CLCN3: variants seen among roughly 807,000 people sequenced by gnomAD.
CLCN3 encodes H(+)/Cl(-) exchange transporter 3.
A neutral mutation model predicts 83.4 loss-of-function variants in CLCN3; 16 were observed. The observed-to-expected ratio is 0.19, with a 90% CI of 0.13 to 0.29. CLCN3 has a LOEUF of 0.29. CLCN3 is among the 10% of genes least tolerant of loss of function. The probability of loss-of-function intolerance (pLI) is 1.00; values close to 1 mark genes in which losing one functional copy is unlikely to be tolerated. For synonymous variants in CLCN3, 322 were observed against 346.2 expected (o/e 0.93, Z 0.78); for missense variants, 544 against 1,006.0 (o/e 0.54, Z 6.21).
intron 2 of CLCN3, among the ~76,000 whole-genome samples, chr4:169,672,819 G>C (rs760681257): frequency 1.3e-5 from 2 of 151,842 alleles, no homozygotes; most frequent in Non-Finnish European, 2.9e-5. Context: ...ACCTGCCACC[G>C]CGCCCAGCTA....
At chr4:169,634,189 G>C (rs1211240009) in intron 1 of CLCN3, among the ~76,000 whole-genome samples, 1 of 152,110 alleles carries the variant, frequency 6.6e-6, no homozygotes, top group Non-Finnish European at 1.5e-5. Context: ...AGATATATTG[G>C]AATTTGCTGA....
chr4:169,656,249 A>G (rs1251884282), intron 2 of CLCN3, among the ~76,000 whole-genome samples: 5 of 152,200 alleles, frequency 3.3e-5, no homozygotes, highest in Non-Finnish European at 7.3e-5. Flanking sequence ...TAATTGGCTC[A>G]CAGTTCTGCA....
chr4:169,621,199 G>A (rs1242222704), intron 1 of CLCN3, 136 bp downstream of exon 1: 3 of 317,142 alleles, frequency 9.5e-6, no homozygotes, highest in Non-Finnish European at 1.1e-5. Context: ...TCGTGAATTG[G>A]GATGCTAACC....
intron 2 of CLCN3, among the ~76,000 whole-genome samples, chr4:169,666,265 A>G (rs1731241911): frequency 6.6e-6 from 1 of 152,240 alleles, no homozygotes; most frequent in African/African-American, 2.4e-5. Context: ...ACATATCTAT[A>G]TACTATGTCA....
intron 9 of CLCN3, among the ~76,000 whole-genome samples, chr4:169,701,407 G>A (rs1421545088): frequency 1.3e-5 from 2 of 152,298 alleles, no homozygotes; most frequent in African/African-American, 4.8e-5. Flanking sequence ...ATTCATGAGA[G>A]TTGGAATCAA....
At chr4:169,631,209 G>A (rs1227150957) in intron 1 of CLCN3, among the ~76,000 whole-genome samples, 1 of 152,070 alleles carries the variant, frequency 6.6e-6, no homozygotes, top group African/African-American at 2.4e-5. Flanking sequence ...TAGTGACGTT[G>A]GGCATTTTTT....
At chr4:169,678,611 G>A (rs1029607732) in intron 2 of CLCN3, among the ~76,000 whole-genome samples, 6 of 152,000 alleles carry the variant, frequency 3.9e-5, no homozygotes, top group Non-Finnish European at 4.4e-5. Flanking sequence ...TTAGGGAGTG[G>A]TGATGACTCT....
At chr4:169,700,504 G>A (rs1005491550) in intron 9 of CLCN3, among the ~76,000 whole-genome samples, 2 of 152,050 alleles carry the variant, frequency 1.3e-5, no homozygotes, top group African/African-American at 4.8e-5. Context: ...GTGATCCTTT[G>A]GGAGGCCTTG....
intron 11 of CLCN3, among the ~76,000 whole-genome samples, chr4:169,712,063 A>G (rs1237767709): frequency 8.2e-6 from 1 of 121,318 alleles, no homozygotes; most frequent in Non-Finnish European, 1.7e-5. Flanking sequence ...AGGTTTCCCT[A>G]TGTTGCCAAG....
chr4:169,634,186 T>C (rs1486004165), intron 1 of CLCN3, among the ~76,000 whole-genome samples: 2 of 152,212 alleles, frequency 1.3e-5, no homozygotes, highest in Non-Finnish European at 2.9e-5. Context: ...AGGAGATATA[T>C]TGGAATTTGC....
chr4:169,713,314 G>T lies in CLCN3; in HGVS notation c.2366+19G>T, dbSNP rs766824292. ...ACAATGGGTAAGTCTGGTACCACAGGAATCAGTTCACTTGCTAGAATATAG... is the reference window on the plus strand; with the variant it reads ...ACAATGGGTAAGTCTGGTACCACAGTAATCAGTTCACTTGCTAGAATATAG... On this transcript the variant is annotated intron_variant, in intron 12 of 12. Coordinates refer to ENST00000513761, the MANE Select transcript of CLCN3 (RefSeq NM_001829.4). The T allele has an allele frequency of 6.4e-7, 1 of 1,566,414 alleles. No individual in the cohort carries two copies. The highest frequency in any genetic ancestry group is 8.8e-7 in the Non-Finnish European group (1 of 1,136,782).
chr4:169,678,256 C>T (rs1402030892), intron 2 of CLCN3, among the ~76,000 whole-genome samples: 2 of 152,172 alleles, frequency 1.3e-5, no homozygotes, highest in Non-Finnish European at 2.9e-5. Context: ...TCAAAATTCT[C>T]CGCAGCGTCA....
rs780656327 is a variant in CLCN3 at position 169,668,042 on chromosome 4, C to CTT, written c.161-12008_161-12007insTT. Reference sequence around the variant, plus strand: ...GTGTGAGCCACCGCGCCCGGCCAGACATTTTTTTTTTTTTTTTTTTTTTTG... The same window carrying CTT: ...GTGTGAGCCACCGCGCCCGGCCAGACTTATTTTTTTTTTTTTTTTTTTTTTTG... On this transcript the variant is annotated intron_variant, in intron 2 of 12. Transcript: ENST00000513761. Among the ~76,000 whole-genome samples the CTT allele has an allele frequency of 5.6e-3, 522 of 93,572 alleles. 4 individuals carry two copies. The highest frequency in any genetic ancestry group is 0.022 in the African/African-American group (496 of 22,690). The allele number at this position is 93,572 out of a possible 152,430, so 61.4% of individuals were successfully genotyped here. A position where few individuals can be genotyped will look rare whatever the true frequency, so the allele number is the denominator to read the frequency against.
chr4:169,668,356 G>C (rs1277294793), intron 2 of CLCN3, among the ~76,000 whole-genome samples: 2 of 152,040 alleles, frequency 1.3e-5, no homozygotes, highest in Non-Finnish European at 2.9e-5. Flanking sequence ...TATTTGAGCA[G>C]AAATAATAGC....
intron 11 of CLCN3, among the ~76,000 whole-genome samples, chr4:169,708,971 T>C (rs1301319479): frequency 6.7e-6 from 1 of 148,424 alleles, no homozygotes; most frequent in East Asian, 1.9e-4. Flanking sequence ...CATATATATG[T>C]TTATATATGT....
chr4:169,662,190 C>G (rs1402167264), intron 2 of CLCN3, among the ~76,000 whole-genome samples: 1 of 152,126 alleles, frequency 6.6e-6, no homozygotes, highest in African/African-American at 2.4e-5. Context: ...TTCTATTATA[C>G]TTTCATAAAT....
At position 169,703,970 on chromosome 4, in the gene CLCN3, T is replaced by C; in HGVS notation, c.1564-28T>C. 4 of 1,608,262 alleles carry C rather than the reference T, an allele frequency of 2.5e-6. No homozygotes were observed. The South Asian group carries it at 4.4e-5, about 18-fold the overall frequency. Reference sequence around the variant, plus strand: ...AGGCATGTGAGTAGAGGATCTCTGCTCCATAAAGAGTTCTGTTGTTGTTAT... The same window carrying C: ...AGGCATGTGAGTAGAGGATCTCTGCCCCATAAAGAGTTCTGTTGTTGTTAT... On this transcript the variant is annotated intron_variant, in intron 9 of 12. Coordinates refer to ENST00000513761, the MANE Select transcript of CLCN3 (RefSeq NM_001829.4).
At chr4:169,646,188 T>TA in intron 2 of CLCN3, among the ~76,000 whole-genome samples, 1 of 152,200 alleles carries the variant, frequency 6.6e-6, no homozygotes, top group Non-Finnish European at 1.5e-5. Flanking sequence ...ATGCATAGAG[T>TA]AGGAGCTCGT....
intron 10 of CLCN3, among the ~76,000 whole-genome samples, chr4:169,704,909 G>T (rs1405011955): frequency 6.6e-6 from 1 of 152,144 alleles, no homozygotes; most frequent in African/African-American, 2.4e-5. Context: ...AAAAGGAAAG[G>T]ACAGACTCAT....
Sources: allele counts gnomAD v4.1 joint callset (sites outside exome capture counted in the v4.1 genomes callset), GRCh38; gene constraint gnomAD v4.1.1; transcripts MANE v1.5; gene names NCBI Gene and HGNC (gene_info 2026-07-23, HGNC 2026-07-21).